Variants in NFIC observed in about 807,000 individuals in gnomAD.
The protein encoded by NFIC is nuclear factor I C.
A neutral mutation model predicts 54.4 loss-of-function variants in NFIC; 12 were observed. That is an observed-to-expected ratio of 0.22 (90% confidence interval 0.14 to 0.36). The LOEUF (loss-of-function observed/expected upper bound fraction) is 0.36, where lower values mean the gene tolerates loss of function less well. Ranked by LOEUF, NFIC falls within the 10% of genes least tolerant of loss-of-function variation. The pLI is 1.00. For synonymous variants in NFIC, 322 were observed against 319.2 expected (o/e 1.01, Z -0.09); for missense variants, 575 against 718.2 (o/e 0.80, Z 2.28).
At chr19:3,423,152 C>T (rs191335162) in intron 2 of NFIC, among the ~76,000 whole-genome samples, 17 of 152,116 alleles carry the variant, frequency 1.1e-4, no homozygotes, top group Admixed American at 2.6e-4. Flanking sequence ...AAGCCGCGAT[C>T]GCACCACTGC....
intron 2 of NFIC, among the ~76,000 whole-genome samples, chr19:3,396,991 G>A (rs2081475347): frequency 6.6e-6 from 1 of 152,076 alleles, no homozygotes; most frequent in Non-Finnish European, 1.5e-5. Context: ...TGGCCATCAT[G>A]ATCGGTTGTG....
intron 2 of NFIC, among the ~76,000 whole-genome samples, chr19:3,384,464 C>T (rs2081262040): frequency 6.6e-6 from 1 of 151,984 alleles, no homozygotes; most frequent in South Asian, 2.1e-4. Flanking sequence ...TCTCGGCTCA[C>T]TGCAATCTCC....
chr19:3,432,168 C>T (rs922190449), intron 3 of NFIC, among the ~76,000 whole-genome samples: 1 of 152,134 alleles, frequency 6.6e-6, no homozygotes. Flanking sequence ...GGCCAAGGCT[C>T]CCGACCTCTC....
intron 6 of NFIC, among the ~76,000 whole-genome samples, chr19:3,447,429 T>G (rs1423115318): frequency 6.6e-6 from 1 of 152,190 alleles, no homozygotes; most frequent in Non-Finnish European, 1.5e-5. Flanking sequence ...CCACTTCATT[T>G]TGAAGACAGG....
intron 2 of NFIC, among the ~76,000 whole-genome samples, chr19:3,407,835 G>T (rs1260637505): frequency 1.3e-5 from 2 of 152,170 alleles, no homozygotes; most frequent in African/African-American, 4.8e-5. Context: ...AGAAGGAGAT[G>T]TCAGAGCTGG....
rs1036687371 is a variant in NFIC at position 3,453,960 on chromosome 19, AG to A, written c.1423+50del. On this transcript the variant is annotated intron_variant, in intron 9 of 10. Transcript: ENST00000443272. This position sits in a 1 kb window ranked among gnomAD's most constrained non-coding sequence, Gnocchi z 6.7. ...GTGCCCTGGTGGGGCGGATGTCCGC[AG>A]GGGGGCCTGTCCCCTCCCCAGCCCC... The A allele has an allele frequency of 1.2e-5, 18 of 1,472,346 alleles. No homozygotes were observed. The African/African-American group carries it at 2.0e-4, about 17-fold the overall frequency. 91.2% of individuals were successfully genotyped at this position (1,472,346 alleles called of 1,614,324 possible). A position where few individuals can be genotyped will look rare whatever the true frequency, so the allele number is the denominator to read the frequency against.
rs543436858 is a variant in NFIC at position 3,456,459 on chromosome 19, G to A, written c.1424-91G>A. ...GGGTGCAGAGGCCCGGCTGTGTGACGCCTGGCGGTGGCCACCCTCTCTGGG... is the reference window on the plus strand; with the variant it reads ...GGGTGCAGAGGCCCGGCTGTGTGACACCTGGCGGTGGCCACCCTCTCTGGG... On this transcript the variant is annotated intron_variant, in intron 9 of 10. Transcript: ENST00000443272. 1.4e-4 allele frequency: 176 copies of A among 1,262,292 alleles called. No homozygotes were observed. In the African/African-American group the frequency reaches 2.2e-3, roughly 16 times the overall value. The allele number at this position is 1,262,292 out of a possible 1,614,324, so 78.2% of individuals were successfully genotyped here.
chr19:3,366,617 C>A lies in NFIC; in HGVS notation c.-20C>A. The A allele has an allele frequency of 6.7e-7, 1 of 1,493,524 alleles. No individual in the cohort carries two copies. Among genetic ancestry groups the A allele is most frequent in the Non-Finnish European group, 8.9e-7 (1 of 1,125,244 alleles). The allele number at this position is 1,493,524 out of a possible 1,614,324, so 92.5% of individuals were successfully genotyped here. On this transcript the variant is annotated 5_prime_UTR_variant, in exon 1 of 11. Coordinates refer to ENST00000443272, the MANE Select transcript of NFIC (RefSeq NM_001245002.2). ...AGCGCGCCCGCTCCGGCCGGCCCTG[C>A]GCCTCCCGCCGCGCCCGGGATGTAT...
At chr19:3,387,000 T>C (rs916256088) in intron 2 of NFIC, among the ~76,000 whole-genome samples, 1 of 152,190 alleles carries the variant, frequency 6.6e-6, no homozygotes, top group African/African-American at 2.4e-5. Context: ...GAGAGTCCCC[T>C]TGGCTGTGGA....
chr19:3,441,718 C>G (rs567327415), intron 6 of NFIC, among the ~76,000 whole-genome samples: 125 of 152,250 alleles, frequency 8.2e-4, no homozygotes, highest in Non-Finnish European at 9.9e-4. Context: ...GGGCTGGGGG[C>G]ACGGGGAGGG....
At position 3,458,453 on chromosome 19, in the gene NFIC, C is replaced by T. The variant is rs1290226130; in HGVS notation, c.1509+1818C>T. On this transcript the variant is annotated intron_variant, in intron 10 of 10. Transcript: ENST00000443272. This position sits in a 1 kb window ranked among gnomAD's most constrained non-coding sequence, Gnocchi z 4.1. ...CAAACTCTCTGACCAGGCCCTCCCG[C>T]CAGGGCCCGGGACCCTTCTCTCAGA... is the stretch of plus-strand genomic sequence containing the variant. Among the ~76,000 whole-genome samples, 1 of 152,198 alleles carries T rather than the reference C, an allele frequency of 6.6e-6. No homozygotes were observed. Among genetic ancestry groups the T allele is most frequent in the Admixed American group, 6.5e-5 (1 of 15,280 alleles).
At chr19:3,447,079 A>C (rs886268180) in intron 6 of NFIC, among the ~76,000 whole-genome samples, 1 of 151,410 alleles carries the variant, frequency 6.6e-6, no homozygotes, top group African/African-American at 2.4e-5. Context: ...TGGGTGGATC[A>C]CCTGAGGCCA....
At chr19:3,423,326 G>A (rs1385617814) in intron 2 of NFIC, among the ~76,000 whole-genome samples, 1 of 152,192 alleles carries the variant, frequency 6.6e-6, no homozygotes, top group Admixed American at 6.6e-5. Context: ...GCTCTGCTAA[G>A]GCCTGGGCAG....
intron 2 of NFIC, among the ~76,000 whole-genome samples, chr19:3,421,079 A>G (rs2081947152): frequency 6.6e-6 from 1 of 152,192 alleles, no homozygotes; most frequent in African/African-American, 2.4e-5. Context: ...AGGGGGTGCT[A>G]TAGTTGTGTC....
intron 2 of NFIC, among the ~76,000 whole-genome samples, chr19:3,422,789 G>T (rs1211100982): frequency 6.6e-6 from 1 of 152,112 alleles, no homozygotes. Flanking sequence ...CTTGGCTCAG[G>T]TGTCTGATCC....
At position 3,406,302 on chromosome 19, in the gene NFIC, C is replaced by T. The variant is rs148312382; in HGVS notation, c.563-18804C>T. ...AGAGATGGGGTTTTGCCATGTTGCC[C>T]AGGCTGGTCTCGAACTTCTGACCTC... On this transcript the variant is annotated intron_variant, in intron 2 of 10. Transcript: ENST00000443272. Among the ~76,000 whole-genome samples, 513 of 152,092 alleles carry T rather than the reference C, an allele frequency of 3.4e-3. 4 individuals carry two copies. The highest frequency in any genetic ancestry group is 0.021 in the South Asian group (99 of 4,824).
At chr19:3,390,871 G>T (rs1173048320) in intron 2 of NFIC, among the ~76,000 whole-genome samples, 4 of 151,406 alleles carry the variant, frequency 2.6e-5, no homozygotes, top group Non-Finnish European at 5.9e-5. Context: ...TGGGGAGGGG[G>T]CTGGGGAGAG....
chr19:3,447,844 C>T (rs1208263397), intron 6 of NFIC, among the ~76,000 whole-genome samples: 1 of 152,116 alleles, frequency 6.6e-6, no homozygotes, highest in Non-Finnish European at 1.5e-5. Flanking sequence ...GGAGGGAAGC[C>T]GATGTTTGGT....
chr19:3,393,816 CAAA>C (rs35101011), intron 2 of NFIC, among the ~76,000 whole-genome samples: 93 of 55,712 alleles, frequency 1.7e-3, no homozygotes, highest in African/African-American at 6.0e-3. Flanking sequence ...GACTCTGTCT[CAAA>C]AAAAAAAAAA....
Sources: gnomAD v4.1 joint callset for allele counts (sites outside exome capture counted in the v4.1 genomes callset) on GRCh38, gnomAD v4.1.1 for gene constraint, Gnocchi (gnomAD v3.1) non-coding constraint, MANE v1.5 for transcripts, NCBI Gene and HGNC (gene_info 2026-07-23, HGNC 2026-07-21) for gene names.